The following LTA variants were observed in gnomAD, a reference collection of about 807,000 sequenced individuals.
The protein encoded by LTA is lymphotoxin alpha.
A neutral mutation model predicts 15.1 loss-of-function variants in LTA; 6 were observed. The observed-to-expected ratio is 0.40, with a 90% CI of 0.22 to 0.78. The LOEUF is 0.78. LTA is among the 30% of genes least tolerant of loss of function. The probability of loss-of-function intolerance (pLI) is 0.38; values close to 1 mark genes in which losing one functional copy is unlikely to be tolerated. For synonymous variants in LTA, 87 were observed against 107.3 expected (o/e 0.81, Z 1.17); for missense variants, 173 against 249.5 (o/e 0.69, Z 2.06).
Position 31,574,035 on chromosome 6 carries a change from G to A in LTA, c.*342G>A, listed in dbSNP as rs150274013. ...CATGGAGGAGCTTGGGGGATGACTA[G>A]AGGCAGGGAGGGGACTATTTATGAA... On this transcript the variant is annotated 3_prime_UTR_variant, in exon 4 of 4. Transcript: ENST00000418386. The A allele has an allele frequency of 2.6e-4, 133 of 507,598 alleles. No individual in the cohort carries two copies. The highest frequency in any genetic ancestry group is 2.3e-3 in the African/African-American group (121 of 51,930). 31.4% of individuals were successfully genotyped at this position (507,598 alleles called of 1,614,324 possible). A position where few individuals can be genotyped will look rare whatever the true frequency, so the allele number is the denominator to read the frequency against.
At chr6:31,570,616 A>T (rs1770779071), upstream of LTA, among the ~76,000 whole-genome samples, 1 of 152,234 alleles carries the variant, frequency 6.6e-6, no homozygotes. Context: ...TGTTCGTGTT[A>T]GACATTTTTT....
At chr6:31,569,794 CAAAAA>C (rs9279357), upstream of LTA, among the ~76,000 whole-genome samples, 1 of 136,774 alleles carries the variant, frequency 7.3e-6, no homozygotes, top group Non-Finnish European at 1.6e-5. Flanking sequence ...GAAACTGTCT[CAAAAA>C]AAAAAAAAAA....
upstream of LTA, among the ~76,000 whole-genome samples, chr6:31,569,436 A>C (rs1236314919): frequency 6.6e-6 from 1 of 152,258 alleles, no homozygotes; most frequent in Non-Finnish European, 1.5e-5. Context: ...AACACAGAGA[A>C]AAAGAAAGGA....
chr6:31,564,764 C>T, the LTA span, among the ~76,000 whole-genome samples: 1 of 150,026 alleles, frequency 6.7e-6, no homozygotes, highest in East Asian at 2.0e-4. Flanking sequence ...AAATACAAAA[C>T]TTAGCCGGGC....
At chr6:31,570,484 T>G (rs1770774072), upstream of LTA, among the ~76,000 whole-genome samples, 1 of 152,204 alleles carries the variant, frequency 6.6e-6, no homozygotes, top group African/African-American at 2.4e-5. Flanking sequence ...AGTAATAATA[T>G]TTGAGGTGAC....
the LTA span, among the ~76,000 whole-genome samples, chr6:31,562,675 G>C: frequency 6.6e-6 from 1 of 151,870 alleles, no homozygotes; most frequent in Non-Finnish European, 1.5e-5. Context: ...GACTAGTATG[G>C]CCAACATGGC....
chr6:31,562,350 T>C, the LTA span, among the ~76,000 whole-genome samples: 1 of 152,108 alleles, frequency 6.6e-6, no homozygotes, highest in East Asian at 1.9e-4. Context: ...ACAGAATAAC[T>C]GAGAATCATC....
At chr6:31,564,683 A>G in the LTA span, among the ~76,000 whole-genome samples, 1 of 150,782 alleles carries the variant, frequency 6.6e-6, no homozygotes, top group Admixed American at 6.6e-5. Flanking sequence ...AGGCGGGTGG[A>G]TTGCTTGAGC....
chr6:31,570,413 G>C (rs1221521814), upstream of LTA, among the ~76,000 whole-genome samples: 2 of 152,122 alleles, frequency 1.3e-5, no homozygotes, highest in African/African-American at 4.8e-5. Flanking sequence ...TTTACCCCGG[G>C]TCACCACCAG....
chr6:31,572,549 C>T, intron 1 of LTA, 103 bp downstream of exon 1: 1 of 599,288 alleles, frequency 1.7e-6, no homozygotes, highest in Non-Finnish European at 3.0e-6. Context: ...CCTCTCTGTT[C>T]CCTTCCTGTC....
chr6:31,565,916 A>G, the LTA span, among the ~76,000 whole-genome samples: 1 of 152,106 alleles, frequency 6.6e-6, no homozygotes, highest in African/African-American at 2.4e-5. Flanking sequence ...CGCGTTGGCT[A>G]TGCCTATAAT....
At chr6:31,565,532 G>A in the LTA span, among the ~76,000 whole-genome samples, 1 of 152,190 alleles carries the variant, frequency 6.6e-6, no homozygotes, top group Non-Finnish European at 1.5e-5. Context: ...TCCTCATGCT[G>A]ACCATGCCCA....
chr6:31,572,701 A>ACTGT, intron 1 of LTA, 33 bp from the exon 2 acceptor site: 1 of 1,411,186 alleles, frequency 7.1e-7, no homozygotes, highest in Non-Finnish European at 9.8e-7. Context: ...CGCCCCGCTC[A>ACTGT]CTGTCTCTCT....
chr6:31,569,244 T>G (rs944708124), upstream of LTA, among the ~76,000 whole-genome samples: 1 of 152,108 alleles, frequency 6.6e-6, no homozygotes, highest in African/African-American at 2.4e-5. Context: ...CTCCTGACCT[T>G]GTGATCTGCT....
the LTA span, among the ~76,000 whole-genome samples, chr6:31,560,634 A>G: frequency 6.6e-6 from 1 of 152,190 alleles, no homozygotes; most frequent in East Asian, 1.9e-4. Flanking sequence ...AACAGTGGGT[A>G]GGTGGAAGTG....
chr6:31,564,415 G>A, the LTA span, among the ~76,000 whole-genome samples: 1 of 152,102 alleles, frequency 6.6e-6, no homozygotes, highest in Non-Finnish European at 1.5e-5. Flanking sequence ...GAGTAGCTGG[G>A]GCTACAGGCA....
chr6:31,573,191 C>G, intron 3 of LTA, 90 bp from the exon 4 acceptor site: 1 of 1,374,988 alleles, frequency 7.3e-7, no homozygotes, highest in Middle Eastern at 1.9e-4. Flanking sequence ...CCCCCAGGAA[C>G]TCAGTTGTTC....
At position 31,573,870 on chromosome 6, in the gene LTA, G is replaced by A. The variant is rs1311414321; in HGVS notation, c.*177G>A. ...AAGAAGGAATTCTAGGCATCCCAGG[G>A]GACCACACCTCCCTGAACCATCCCT... is the stretch of plus-strand genomic sequence containing the variant. On this transcript the variant is annotated 3_prime_UTR_variant, in exon 4 of 4. Coordinates refer to ENST00000418386, the MANE Select transcript of LTA (RefSeq NM_000595.4). 4 of 762,740 alleles carry A rather than the reference G, an allele frequency of 5.2e-6. No individual in the cohort carries two copies. The highest frequency in any genetic ancestry group is 6.8e-6 in the Non-Finnish European group (3 of 440,080). The allele number at this position is 762,740 out of a possible 1,614,324, so 47.2% of individuals were successfully genotyped here.
intron 3 of LTA, 65 bp downstream of exon 3, chr6:31,573,098 A>G (rs1770945689): frequency 3.5e-6 from 5 of 1,417,702 alleles, no homozygotes; most frequent in Non-Finnish European, 4.9e-6. Context: ...TGCCTCAGGA[A>G]CCCAAGCATC....
Sources: gnomAD v4.1 joint callset for allele counts (sites outside exome capture counted in the v4.1 genomes callset) on GRCh38, gnomAD v4.1.1 for gene constraint, MANE v1.5 for transcripts, NCBI Gene and HGNC (gene_info 2026-07-23, HGNC 2026-07-21) for gene names.